MS4A6A: variants seen among roughly 807,000 people sequenced by gnomAD.
The protein encoded by MS4A6A is membrane-spanning 4-domains subfamily A member 6A.
Under a neutral mutation model 20.6 loss-of-function variants are expected in MS4A6A, and 19 were observed. That is an observed-to-expected ratio of 0.92 (90% CI 0.64 to 1.36). The LOEUF is 1.36. Among genes scored for constraint, MS4A6A ranks in the 40% most tolerant of loss-of-function variants. The pLI is 0.00. For synonymous variants in MS4A6A, 108 were observed against 105.0 expected, an observed-to-expected ratio of 1.03 and a Z score of -0.17; for missense variants, 272 against 261.1, an observed-to-expected ratio of 1.04 and a Z score of -0.29.
intron 5 of MS4A6A, among the ~76,000 whole-genome samples, chr11:60,175,033 A>G (rs1218079143): frequency 3.3e-5 from 5 of 152,038 alleles, no homozygotes; most frequent in Admixed American, 2.6e-4. Flanking sequence ...TTGTTGGCCT[A>G]TTCTGATCTC....
rs1565105428 is a variant in MS4A6A at position 60,181,705 on chromosome 11, T to C, written c.23A>G (p.Asn8Ser). 2.5e-6 allele frequency: 4 copies of C among 1,614,110 alleles called. No individual in the cohort carries two copies. Among genetic ancestry groups the C allele is most frequent in the East Asian group, 2.2e-5 (1 of 44,878 alleles). Residue 8 changes from asparagine (N) to serine (S), a missense_variant, in exon 2 of 6, where the codon AAT (asparagine) becomes AGT (serine). Coordinates refer to ENST00000528851, the MANE Select transcript of MS4A6A (RefSeq NM_022349.4). ...TGATGGGAGCACTATGATGGTCTCA[T>C]TGGGAACAGGTTGTGATGTCATGAT... MTSQPVP[N>S]ETIIVLPSNV... is the part of the protein sequence containing the mutation.
At chr11:60,171,761 A>T (rs1856599952), downstream of MS4A6A, among the ~76,000 whole-genome samples, 1 of 152,050 alleles carries the variant, frequency 6.6e-6, no homozygotes, top group South Asian at 2.1e-4. Flanking sequence ...AAATCAGTTA[A>T]CTCCTGTTGA....
Position 60,175,439 on chromosome 11 carries a change from T to C in MS4A6A, c.512A>G (p.Tyr171Cys). Residue 171 changes from tyrosine (Y) to cysteine (C), a missense_variant, in exon 5 of 6, where the codon TAT becomes TGT. By Grantham distance (194) the Tyr-to-Cys change is radical (BLOSUM62 -2). Coordinates refer to ENST00000528851, the MANE Select transcript of MS4A6A (RefSeq NM_022349.4). ...TTTGGCTGTATAGCAGTCCGTGGTA[T>C]AAAGTGAATCATGATAAAAGTAAGA... is the stretch of plus-strand genomic sequence containing the variant. ...YVSYFYHDSL[Y>C]TTDCYTAKAS... The C allele has an allele frequency of 1.2e-6, 2 of 1,614,152 alleles. No homozygotes were observed. Among genetic ancestry groups the C allele is most frequent in the Admixed American group, 1.7e-5 (1 of 60,026 alleles).
chr11:60,179,730 TG>T, intron 3 of MS4A6A, 100 bp downstream of exon 3: 1 of 1,376,356 alleles, frequency 7.3e-7, no homozygotes, highest in Non-Finnish European at 1.0e-6. Flanking sequence ...TCCTTGCTCC[TG>T]GCAGATCAAA....
intron 1 of MS4A6A, 87 bp downstream of exon 1, chr11:60,182,891 G>C: frequency 2.9e-6 from 2 of 698,628 alleles, no homozygotes; most frequent in South Asian, 4.3e-5. Flanking sequence ...CTTAACTGCT[G>C]TCAAGGAGTT....
At chr11:60,175,948 G>A (rs11230175) in intron 4 of MS4A6A, among the ~76,000 whole-genome samples, 1,685 of 152,280 alleles carry the variant, frequency 0.011, 35 homozygotes, top group African/African-American at 0.039. Flanking sequence ...GACCCAAAGT[G>A]AAGGTGGCAA....
downstream of MS4A6A, chr11:60,172,141 T>C (rs749639035): frequency 3.7e-6 from 6 of 1,606,312 alleles, no homozygotes; most frequent in African/African-American, 8.0e-5. Flanking sequence ...TTCTGATTAA[T>C]ATTTCTCCCT....
At chr11:60,177,756 G>A (rs975103277) in intron 4 of MS4A6A, among the ~76,000 whole-genome samples, 2 of 152,084 alleles carry the variant, frequency 1.3e-5, no homozygotes, top group African/African-American at 2.4e-5. Flanking sequence ...AAGTCTAAAG[G>A]AACCTGAGGA....
chr11:60,174,567 A>G (rs1440938769), intron 5 of MS4A6A, among the ~76,000 whole-genome samples: 1 of 152,010 alleles, frequency 6.6e-6, no homozygotes, highest in East Asian at 1.9e-4. Flanking sequence ...CTCGTGATCC[A>G]TGCACCAGGG....
upstream of MS4A6A, chr11:60,184,321 C>T (rs2083865600): frequency 6.6e-6 from 1 of 152,274 alleles, no homozygotes; most frequent in African/African-American, 2.4e-5. Flanking sequence ...CTTGCTCACC[C>T]AAGCTCCTGG....
Position 60,181,729 on chromosome 11 carries a change from A to T in MS4A6A, c.-2T>A. ...ATTGGGAACAGGTTGTGATGTCATG[A>T]TGGTGTTGCCAACTATGTAAGAAAA... is the stretch of plus-strand genomic sequence containing the variant. On this transcript the variant is annotated 5_prime_UTR_variant, in exon 2 of 6. Coordinates refer to ENST00000528851, the MANE Select transcript of MS4A6A (RefSeq NM_022349.4). 1 of 1,614,048 alleles carries T rather than the reference A, an allele frequency of 6.2e-7. No homozygotes were observed. Among genetic ancestry groups the T allele is most frequent in the Non-Finnish European group, 8.5e-7 (1 of 1,179,922 alleles).
chr11:60,175,710 T>C, intron 4 of MS4A6A, 99 bp from the exon 5 acceptor site: 9 of 1,276,070 alleles, frequency 7.1e-6, no homozygotes, highest in Non-Finnish European at 8.8e-6. Flanking sequence ...ATCTGTCCCC[T>C]CAGGAGGTCT....
At chr11:60,174,570 C>A (rs1255668810) in intron 5 of MS4A6A, among the ~76,000 whole-genome samples, 4 of 152,150 alleles carry the variant, frequency 2.6e-5, no homozygotes, top group African/African-American at 9.7e-5. Flanking sequence ...GTGATCCATG[C>A]ACCAGGGCCT....
At chr11:60,177,745 A>G (rs1468601694) in intron 4 of MS4A6A, among the ~76,000 whole-genome samples, 1 of 152,204 alleles carries the variant, frequency 6.6e-6, no homozygotes, top group Non-Finnish European at 1.5e-5. Context: ...AAAATCTGAG[A>G]AAGTCTAAAG....
At position 60,181,755 on chromosome 11, in the gene MS4A6A, A is replaced by T; in HGVS notation, c.-14-14T>A. ...TGGTGTTGCCAACTATGTAAGAAAA[A>T]ATAGATTTAGCTCTTAAAAAGTACA... On this transcript the variant is annotated splice_polypyrimidine_tract_variant and intron_variant, in intron 1 of 5. Transcript: ENST00000528851. 3 of 1,612,948 alleles carry T rather than the reference A, an allele frequency of 1.9e-6. No homozygotes were observed. Among genetic ancestry groups the T allele is most frequent in the Non-Finnish European group, 2.5e-6 (3 of 1,179,204 alleles).
rs1341454444 is a variant in MS4A6A at position 60,172,939 on chromosome 11, T to A, written c.*62A>T. ...GTGTATCTCATGACTGACTGATTGT[T>A]CCTTCTACCACTCTTGGTGACATAC... On this transcript the variant is annotated 3_prime_UTR_variant, in exon 6 of 6. Transcript: ENST00000528851. 1 of 1,604,572 alleles carries A rather than the reference T, an allele frequency of 6.2e-7. No individual in the cohort carries two copies. Among genetic ancestry groups the A allele is most frequent in the African/African-American group, 1.3e-5 (1 of 74,878 alleles).
rs144331050 is a variant in MS4A6A, at chr11:60,173,856, T to C, written c.550-727A>G. Among the ~76,000 whole-genome samples, 55 of 152,312 alleles carry C rather than the reference T, an allele frequency of 3.6e-4. 1 individual carries two copies. The highest frequency in any genetic ancestry group is 1.2e-3 in the African/African-American group (51 of 41,558). On this transcript the variant is annotated intron_variant, in intron 5 of 5. Transcript: ENST00000528851. ...ATTCTATCATTTCTGTCCTGAGACA[T>C]TCTTTGTGCAGAACTGGCCATCTGA...
Position 60,175,395 on chromosome 11 carries a change from T to A in MS4A6A, c.549+7A>T, listed in dbSNP as rs376057651. On this transcript the variant is annotated splice_region_variant and intron_variant, in intron 5 of 5. Transcript: ENST00000528851. ...AAGATTAGAACATCCCATCTAAAAATACTTACAGCCAGACTGGCTTTGGCT... is the reference window on the plus strand; with the variant it reads ...AAGATTAGAACATCCCATCTAAAAAAACTTACAGCCAGACTGGCTTTGGCT... 2.5e-6 allele frequency: 4 copies of A among 1,605,588 alleles called. No individual in the cohort carries two copies. Among genetic ancestry groups the A allele is most frequent in the South Asian group, 2.2e-5 (2 of 90,778 alleles).
intron 3 of MS4A6A, among the ~76,000 whole-genome samples, chr11:60,178,983 T>C (rs1423361108): frequency 2.0e-5 from 3 of 152,138 alleles, no homozygotes; most frequent in African/African-American, 7.2e-5. Flanking sequence ...CAAAATGTAA[T>C]GTAGTGTAAT....
Sources: gnomAD v4.1 joint callset for allele counts (sites outside exome capture counted in the v4.1 genomes callset) on GRCh38, gnomAD v4.1.1 for gene constraint, MANE v1.5 for transcripts, NCBI Gene and HGNC (gene_info 2026-07-23, HGNC 2026-07-21) for gene names.